The following ARHGEF17 variants were observed in gnomAD, a reference collection of about 807,000 sequenced individuals.
The protein encoded by ARHGEF17 is 164 kDa Rho-specific guanine-nucleotide exchange factor.
Under a neutral mutation model 174.0 loss-of-function variants are expected in ARHGEF17, and 80 were observed. The ratio of observed to expected loss-of-function variants is 0.46; its 90% confidence interval spans 0.38 to 0.55. The LOEUF (loss-of-function observed/expected upper bound fraction) is 0.55, where lower values mean the gene tolerates loss of function less well. Among genes scored for constraint, ARHGEF17 ranks in the 20% least tolerant of loss-of-function variants. The pLI, the probability that ARHGEF17 is intolerant of heterozygous loss-of-function variation, is 0.00. For missense variants in ARHGEF17, 2,886 were observed against 2,839.7 expected, an observed-to-expected ratio of 1.02 and a Z score of -0.37; for synonymous variants, 1,311 against 1,189.1, an observed-to-expected ratio of 1.10 and a Z score of -2.11.
Position 73,360,265 on chromosome 11 carries a change from G to A in ARHGEF17, c.4207-55G>A, listed in dbSNP as rs1171377999. On this transcript the variant is annotated intron_variant, in intron 10 of 20. Coordinates refer to ENST00000263674, the MANE Select transcript of ARHGEF17 (RefSeq NM_014786.4). ...GGCAGGTCCCCACACATTAAGGGCA[G>A]GTGCAGGCTCTGGTGAGATGCTGGG... The A allele has an allele frequency of 1.3e-5, 20 of 1,592,282 alleles. No homozygotes were observed. In the East Asian group the frequency reaches 4.5e-4, roughly 36 times the overall value.
intron 1 of ARHGEF17, among the ~76,000 whole-genome samples, chr11:73,344,054 GTGGCCCCCTCTGTCTTCCTGC>G (rs1283988101): frequency 1.3e-5 from 2 of 152,198 alleles, no homozygotes; most frequent in Admixed American, 1.3e-4. Flanking sequence ...CATCCCAGGA[GTGGCCCCCTCTGTCTTCCTGC>G]TGTATCCCCC....
Position 73,367,739 on chromosome 11 carries a change from C to T in ARHGEF17, c.6151C>T (p.Arg2051Ter), listed in dbSNP as rs778190966. ...GGGSSSETVG[R>*]DDSTNHLLLW... is the part of the protein sequence containing the mutation. ...CGGCAGCAGCAGTGAGACTGTGGGT[C>T]GAGACGACAGCACAAACCACCTCCT... is the stretch of plus-strand genomic sequence containing the variant. Residue 2051 changes from arginine (R) to a stop codon, truncating the protein, a stop_gained, in exon 21 of 21, where the codon CGA becomes TGA. Transcript: ENST00000263674. LOFTEE classifies it high-confidence loss of function. The T allele has an allele frequency of 6.2e-7, 1 of 1,613,952 alleles. No individual in the cohort carries two copies. The highest frequency in any genetic ancestry group is 8.5e-7 in the Non-Finnish European group (1 of 1,179,938).
At chr11:73,343,864 A>G (rs572469) in intron 1 of ARHGEF17, among the ~76,000 whole-genome samples, 19,289 of 152,076 alleles carry the variant, frequency 0.13, 1,624 homozygotes, top group South Asian at 0.32. Flanking sequence ...TCCCCGTGCA[A>G]TGATGTGTCT....
At chr11:73,356,002 G>A in intron 5 of ARHGEF17, 49 bp downstream of exon 5, 3 of 1,609,508 alleles carry the variant, frequency 1.9e-6, no homozygotes, top group Non-Finnish European at 2.6e-6. Flanking sequence ...GAAGCATGGG[G>A]GGATACAAGG....
intron 1 of ARHGEF17, among the ~76,000 whole-genome samples, chr11:73,344,329 G>A (rs913097772): frequency 2.6e-5 from 4 of 152,254 alleles, no homozygotes; most frequent in Non-Finnish European, 5.9e-5. Flanking sequence ...AGCTGGCCTT[G>A]TTTTCTGTGT....
At position 73,311,849 on chromosome 11, in the gene ARHGEF17, C is replaced by A. The variant is rs952235669; in HGVS notation, c.3192+19C>A. ...ACAGGTGGTGAGTCCTTTGTAGGGGCCTTCAGATTGGGGCCAAAGAAGGGC... is the reference window on the plus strand; with the variant it reads ...ACAGGTGGTGAGTCCTTTGTAGGGGACTTCAGATTGGGGCCAAAGAAGGGC... On this transcript the variant is annotated intron_variant, in intron 1 of 20. Coordinates refer to ENST00000263674, the MANE Select transcript of ARHGEF17 (RefSeq NM_014786.4). 6.4e-7 allele frequency: 1 copy of A among 1,574,394 alleles called. No individual in the cohort carries two copies. The highest frequency in any genetic ancestry group is 1.3e-5 in the African/African-American group (1 of 74,080).
At chr11:73,342,878 C>A in intron 1 of ARHGEF17, 1 of 156,094 alleles carries the variant, frequency 6.4e-6, no homozygotes. Context: ...AGGGCGGGGA[C>A]CCTCCTCCCC....
At chr11:73,320,478 A>C (rs1248621162) in intron 1 of ARHGEF17, among the ~76,000 whole-genome samples, 2 of 151,730 alleles carry the variant, frequency 1.3e-5, no homozygotes, top group African/African-American at 2.4e-5. Context: ...CCACTAAAAA[A>C]AAAAAAAAAT....
rs372747317 is a variant in ARHGEF17 at position 73,311,543 on chromosome 11, A to G, written c.2905A>G (p.Ile969Val). ...HASVPATFMPIVVPEPPTSVG... is the reference protein window; with the variant it reads ...HASVPATFMPVVVPEPPTSVG... ...CAGTGTGCCCGCCACATTTATGCCTATTGTGGTGCCTGAGCCACCAACTTC... is the reference window on the plus strand; with the variant it reads ...CAGTGTGCCCGCCACATTTATGCCTGTTGTGGTGCCTGAGCCACCAACTTC... The change falls in exon 1 of 21, where the codon ATT becomes GTT. Residue 969 changes from isoleucine (I) to valine (V), a missense_variant. Physicochemically the swap from Ile to Val is conservative, Grantham distance 29 (BLOSUM62 3). Around this residue, in one of 4 missense-constraint regions of ARHGEF17, gnomAD observed 1,728 missense variants for 1,461.2 expected, o/e 1.18. Transcript: ENST00000263674. The G allele has an allele frequency of 3.2e-5, 51 of 1,613,492 alleles. No individual in the cohort carries two copies. Among genetic ancestry groups the G allele is most frequent in the East Asian group, 2.2e-4 (10 of 44,872 alleles).
At position 73,360,175 on chromosome 11, in the gene ARHGEF17, C is replaced by T. The variant is rs1865712955; in HGVS notation, c.4207-145C>T. ...ATCAGAGGGTGACAGAGGCCCCATC[C>T]CCCATATATCAAAGGAATCCAGGTC... On this transcript the variant is annotated intron_variant, in intron 10 of 20. Coordinates refer to ENST00000263674, the MANE Select transcript of ARHGEF17 (RefSeq NM_014786.4). 17 of 943,498 alleles carry T rather than the reference C, an allele frequency of 1.8e-5. No individual in the cohort carries two copies. In the South Asian group the frequency reaches 2.8e-4, roughly 16 times the overall value. The allele number at this position is 943,498 out of a possible 1,614,324, so 58.4% of individuals were successfully genotyped here.
At chr11:73,333,851 T>G (rs1261439483) in intron 1 of ARHGEF17, among the ~76,000 whole-genome samples, 1 of 152,230 alleles carries the variant, frequency 6.6e-6, no homozygotes, top group Non-Finnish European at 1.5e-5. Context: ...AGACATTTCC[T>G]CTTTGAGCCT....
rs200742689 is a variant in ARHGEF17 at position 73,362,075 on chromosome 11, G to A, written c.4530G>A (p.Pro1510=). The change falls in exon 13 of 21, where the codon CCG becomes CCA. Residue 1510 remains proline, a synonymous_variant. Coordinates refer to ENST00000263674, the MANE Select transcript of ARHGEF17 (RefSeq NM_014786.4). Reference sequence around the variant, plus strand: ...CGGCTCCCACCCTGAACAGCTGCCCGGAGCCCTCGCCTGAGGTATGGGTCT... The same window carrying A: ...CGGCTCCCACCCTGAACAGCTGCCCAGAGCCCTCGCCTGAGGTATGGGTCT... The part of the protein sequence containing the change: ...SCAAPTLNSC[P]EPSPEVWVCN... 30 of 1,612,810 alleles carry A rather than the reference G, an allele frequency of 1.9e-5. No homozygotes were observed. The East Asian group carries it at 5.3e-4, about 29-fold the overall frequency.
rs761335901 is a variant in ARHGEF17 at position 73,309,633 on chromosome 11, C to T, written c.995C>T (p.Ser332Phe). 1.9e-6 allele frequency: 3 copies of T among 1,613,112 alleles called. No homozygotes were observed. Among genetic ancestry groups the T allele is most frequent in the Non-Finnish European group, 2.5e-6 (3 of 1,180,026 alleles). The change falls in exon 1 of 21, where the codon TCT (serine) becomes TTT (phenylalanine). Residue 332 changes from serine (S) to phenylalanine (F), a missense_variant. By Grantham distance (155) the Ser-to-Phe change is radical. This residue lies in a region of ARHGEF17 where 1,728 missense variants were observed against 1,461.2 expected (regional missense o/e 1.18). Transcript: ENST00000263674. ...GVSGSPEPPT[S>F]PRAPREEGLR... ...TCTGGGAGCCCTGAGCCCCCAACATCTCCAAGAGCCCCTAGAGAAGAAGGA... is the reference window on the plus strand; with the variant it reads ...TCTGGGAGCCCTGAGCCCCCAACATTTCCAAGAGCCCCTAGAGAAGAAGGA...
rs752472442 is a variant in ARHGEF17, at chr11:73,356,985, C to CT, written c.3892-39dup. On this transcript the variant is annotated intron_variant, in intron 7 of 20. Transcript: ENST00000263674. ...ATGGGCAGGGGGGTGGGCTTCTGGA[C>CT]TGTGTCCACCCAGCCTGAATTCTGC... 1.9e-6 allele frequency: 3 copies of CT among 1,603,682 alleles called. No individual in the cohort carries two copies. The African/African-American group carries it at 4.0e-5, about 21-fold the overall frequency.
chr11:73,325,739 C>T (rs1865091594), intron 1 of ARHGEF17, among the ~76,000 whole-genome samples: 1 of 152,244 alleles, frequency 6.6e-6, no homozygotes, highest in Non-Finnish European at 1.5e-5. Flanking sequence ...CAGGCATTAT[C>T]CATCTGGAGA....
chr11:73,340,001 A>G (rs578116486), intron 1 of ARHGEF17, among the ~76,000 whole-genome samples: 7 of 152,244 alleles, frequency 4.6e-5, no homozygotes, highest in African/African-American at 1.4e-4. Flanking sequence ...TAAAATCAGC[A>G]CTCAGAACAG....
intron 1 of ARHGEF17, among the ~76,000 whole-genome samples, chr11:73,326,199 A>G (rs1244249689): frequency 6.6e-6 from 1 of 152,178 alleles, no homozygotes; most frequent in African/African-American, 2.4e-5. Flanking sequence ...AGGGCAGGGA[A>G]GGCTAACTTA....
chr11:73,341,389 C>T (rs1336969462), intron 1 of ARHGEF17, among the ~76,000 whole-genome samples: 5 of 152,208 alleles, frequency 3.3e-5, no homozygotes, highest in African/African-American at 1.2e-4. Context: ...TCACCTCAAC[C>T]TCCGCCTCCC....
At chr11:73,327,942 G>A (rs1865131388) in intron 1 of ARHGEF17, among the ~76,000 whole-genome samples, 1 of 152,178 alleles carries the variant, frequency 6.6e-6, no homozygotes, top group Non-Finnish European at 1.5e-5. Context: ...TTAGTACTTA[G>A]TCCCTCTGTG....
Sources: allele counts gnomAD v4.1 joint callset (sites outside exome capture counted in the v4.1 genomes callset), GRCh38; gene constraint gnomAD v4.1.1; regional missense constraint gnomAD v4.1.1; transcripts MANE v1.5; gene names NCBI Gene and HGNC (gene_info 2026-07-23, HGNC 2026-07-21).